Variants in GOLGB1 observed in about 807,000 individuals in gnomAD.
GOLGB1 encodes golgin B1, also known as golgin subfamily B member 1.
In GOLGB1, 174 loss-of-function variants were observed where a neutral mutation model predicts 336.9. The observed-to-expected ratio is 0.52, with a 90% CI of 0.46 to 0.59. The LOEUF is 0.59. Ranked by LOEUF, GOLGB1 falls within the 20% of genes least tolerant of loss-of-function variation. GOLGB1 has a pLI of 0.00. For missense variants in GOLGB1, 3,331 were observed against 3,645.3 expected, an observed-to-expected ratio of 0.91 and a Z score of 2.22; for synonymous variants, 1,208 against 1,289.2, an observed-to-expected ratio of 0.94 and a Z score of 1.35.
chr3:121,673,910 G>A (rs1291205362), intron 17 of GOLGB1, among the ~76,000 whole-genome samples: 1 of 152,004 alleles, frequency 6.6e-6, no homozygotes, highest in Admixed American at 6.6e-5. Context: ...TAGTAGAGAA[G>A]GGATTTCGCC....
intron 11 of GOLGB1, among the ~76,000 whole-genome samples, chr3:121,700,115 A>G (rs1306086557): frequency 6.6e-6 from 1 of 152,130 alleles, no homozygotes; most frequent in Non-Finnish European, 1.5e-5. Flanking sequence ...AGTATACTAA[A>G]TAGTGGAAGG....
chr3:121,731,636 T>C (rs1312790118), intron 1 of GOLGB1, among the ~76,000 whole-genome samples: 7 of 152,176 alleles, frequency 4.6e-5, no homozygotes, highest in Non-Finnish European at 1.0e-4. Context: ...CCCCATTCTT[T>C]CAGAAAGCTT....
chr3:121,684,829 T>C (rs575356102), intron 14 of GOLGB1, among the ~76,000 whole-genome samples: 1 of 152,180 alleles, frequency 6.6e-6, no homozygotes, highest in Non-Finnish European at 1.5e-5. Flanking sequence ...AAGGAATACA[T>C]AGAATAGACA....
At chr3:121,735,271 C>T (rs1946400052) in intron 1 of GOLGB1, among the ~76,000 whole-genome samples, 1 of 152,154 alleles carries the variant, frequency 6.6e-6, no homozygotes, top group African/African-American at 2.4e-5. Context: ...AAAGAGCAAA[C>T]ATAATTGTAT....
chr3:121,711,283 A>T (rs1044904798), intron 10 of GOLGB1, among the ~76,000 whole-genome samples: 11 of 150,064 alleles, frequency 7.3e-5, no homozygotes, highest in Non-Finnish European at 1.0e-4. Flanking sequence ...CTAGAAATAT[A>T]AAAAAAAAAT....
rs1576347783 is a variant in GOLGB1 at position 121,695,152 on chromosome 3, T to C, written c.5371A>G (p.Thr1791Ala). Residue 1791 changes from threonine (T) to alanine (A), a missense_variant, in exon 13 of 22, where the codon ACT (threonine) becomes GCT (alanine). Coordinates refer to ENST00000614479, the MANE Select transcript of GOLGB1 (RefSeq NM_001366282.2). ...GGTATAGACTGTGTTCCCTCTTCAG[T>C]GACATTCGTTTGGTTATCATGTTTC... The part of the protein sequence containing the change: ...TEKHDNQTNV[T>A]EEGTQSIPGE... 2 of 1,614,036 alleles carry C rather than the reference T, an allele frequency of 1.2e-6. No individual in the cohort carries two copies. The highest frequency in any genetic ancestry group is 1.7e-6 in the Non-Finnish European group (2 of 1,179,958).
In GOLGB1 at chr3:121,694,291, C is replaced by G; in HGVS notation, c.6232G>C (p.Ala2078Pro). 2 of 1,610,408 alleles carry G rather than the reference C, an allele frequency of 1.2e-6. No individual in the cohort carries two copies. Among genetic ancestry groups the G allele is most frequent in the Non-Finnish European group, 1.7e-6 (2 of 1,179,856 alleles). ...TTGAAGCTAGCTAATTCTGCTTGTG[C>G]CTTTTTGCGGTGTTCAACTGCTTGA... ...LAQAVEHRKKAQAELASFKVL... is the reference protein window; with the variant it reads ...LAQAVEHRKKPQAELASFKVL... The change falls in exon 13 of 22, where the codon GCA becomes CCA. Residue 2078 changes from alanine to proline, a missense_variant. Coordinates refer to ENST00000614479, the MANE Select transcript of GOLGB1 (RefSeq NM_001366282.2).
At chr3:121,744,777 T>C (rs897238834) in intron 1 of GOLGB1, among the ~76,000 whole-genome samples, 5 of 152,144 alleles carry the variant, frequency 3.3e-5, no homozygotes, top group Non-Finnish European at 7.4e-5. Flanking sequence ...GAGAGAGTGC[T>C]AGAGATGTAC....
Position 121,677,012 on chromosome 3 carries a change from C to T in GOLGB1, c.9058G>A (p.Ala3020Thr), listed in dbSNP as rs534528475. 5.3e-5 allele frequency: 86 copies of T among 1,613,886 alleles called. No homozygotes were observed. Among genetic ancestry groups the T allele is most frequent in the Non-Finnish European group, 7.1e-5 (84 of 1,179,910 alleles). ...AGATTTTGTGACCCATCTGGGGAAG[C>T]TGATGTCTCTGGGGATGCCTGCCAG... ...YQRQASPETS[A>T]SPDGSQNLVY... The change falls in exon 17 of 22, where the codon GCT (alanine) becomes ACT (threonine). Residue 3020 changes from alanine to threonine, a missense_variant. By Grantham distance (58) the Ala-to-Thr change is moderately conservative (BLOSUM62 0). Transcript: ENST00000614479.
intron 14 of GOLGB1, among the ~76,000 whole-genome samples, chr3:121,689,886 G>A (rs538295296): frequency 6.6e-6 from 1 of 152,318 alleles, no homozygotes; most frequent in Non-Finnish European, 1.5e-5. Context: ...TACTTGGGCG[G>A]CTGAGGCAGG....
intron 20 of GOLGB1, 58 bp downstream of exon 20, chr3:121,667,418 C>T (rs1938781070): frequency 3.3e-6 from 5 of 1,536,962 alleles, no homozygotes; most frequent in African/African-American, 1.4e-5. Context: ...AGGAAATGTA[C>T]ATGAGTTTGA....
intron 10 of GOLGB1, among the ~76,000 whole-genome samples, chr3:121,707,243 C>T (rs906540454): frequency 8.7e-6 from 1 of 115,068 alleles, no homozygotes; most frequent in South Asian, 2.7e-4. Context: ...AAAAAAAAAA[C>T]AAAAATAAAA....
At chr3:121,686,475 C>G (rs922123644) in intron 14 of GOLGB1, among the ~76,000 whole-genome samples, 16 of 152,022 alleles carry the variant, frequency 1.1e-4, no homozygotes, top group African/African-American at 3.6e-4. Context: ...TTGTTTATAT[C>G]TTTATATGCT....
At chr3:121,670,085 A>G (rs1939269956) in intron 17 of GOLGB1, among the ~76,000 whole-genome samples, 1 of 152,172 alleles carries the variant, frequency 6.6e-6, no homozygotes, top group South Asian at 2.1e-4. Flanking sequence ...AAAAAACTGA[A>G]AATTCATTTT....
intron 20 of GOLGB1, among the ~76,000 whole-genome samples, chr3:121,665,935 G>A (rs904988680): frequency 6.6e-6 from 1 of 152,198 alleles, no homozygotes; most frequent in African/African-American, 2.4e-5. Context: ...GCACAGCCTA[G>A]CTCCTTCTTT....
chr3:121,711,387 T>G (rs1944349698), intron 10 of GOLGB1, among the ~76,000 whole-genome samples: 1 of 152,102 alleles, frequency 6.6e-6, no homozygotes, highest in South Asian at 2.1e-4. Flanking sequence ...GATGATCTGA[T>G]AGAGGAAATT....
intron 20 of GOLGB1, among the ~76,000 whole-genome samples, chr3:121,666,764 T>C (rs1045602539): frequency 2.0e-5 from 3 of 152,220 alleles, no homozygotes; most frequent in African/African-American, 7.2e-5. Flanking sequence ...CTTTTAACGA[T>C]ATTTTCCGTG....
At chr3:121,717,279 G>A (rs978976971) in intron 8 of GOLGB1, 140 bp from the exon 9 acceptor site, 1 of 686,084 alleles carries the variant, frequency 1.5e-6, no homozygotes, top group Non-Finnish European at 2.4e-6. Context: ...TCAAGAAGGA[G>A]AGTTGAAAAT....
intron 10 of GOLGB1, among the ~76,000 whole-genome samples, chr3:121,711,603 A>G (rs1944362916): frequency 6.6e-6 from 1 of 152,196 alleles, no homozygotes; most frequent in South Asian, 2.1e-4. Flanking sequence ...ATCTACAAAA[A>G]GAGACTAAAA....
Sources: gnomAD v4.1 joint callset for allele counts (sites outside exome capture counted in the v4.1 genomes callset) on GRCh38, gnomAD v4.1.1 for gene constraint, MANE v1.5 for transcripts, NCBI Gene and HGNC (gene_info 2026-07-23, HGNC 2026-07-21) for gene names.